The following GALNT2 variants were observed in gnomAD, a reference collection of about 807,000 sequenced individuals.
GALNT2 encodes the protein UDP-GalNAc:polypeptide N-acetylgalactosaminyltransferase 2.
GALNT2 carries 31 observed loss-of-function variants against 81.4 expected under a neutral mutation model. The ratio of observed to expected loss-of-function variants is 0.38; its 90% CI spans 0.29 to 0.51. The LOEUF (loss-of-function observed/expected upper bound fraction) is 0.51, where lower values mean the gene tolerates loss of function less well. Ranked by LOEUF, GALNT2 falls within the 20% of genes least tolerant of loss-of-function variation. GALNT2 has a pLI of 0.87. For synonymous variants in GALNT2, 303 were observed against 287.4 expected (o/e 1.05, Z -0.55); for missense variants, 629 against 765.7 (o/e 0.82, Z 2.11).
intron 1 of GALNT2, among the ~76,000 whole-genome samples, chr1:230,173,782 C>G (rs1662870166): frequency 6.6e-6 from 1 of 152,130 alleles, no homozygotes; most frequent in African/African-American, 2.4e-5. Flanking sequence ...TTGAGCGGCA[C>G]TGATGCTAGT....
At chr1:230,185,001 G>C (rs914599341) in intron 2 of GALNT2, among the ~76,000 whole-genome samples, 2 of 151,866 alleles carry the variant, frequency 1.3e-5, no homozygotes, top group Non-Finnish European at 2.9e-5. Flanking sequence ...TTTTTCCTCA[G>C]CATGTCATGT....
rs1426351446 is a variant in GALNT2 at position 230,279,982 on chromosome 1, C to CT, written c.*526dup. 2.2e-6 allele frequency: 1 copy of CT among 456,096 alleles called. No individual in the cohort carries two copies. Among genetic ancestry groups the CT allele is most frequent in the African/African-American group, 2.0e-5 (1 of 50,082 alleles). The allele number at this position is 456,096 out of a possible 1,614,324, so 28.3% of individuals were successfully genotyped here. A position where few individuals can be genotyped will look rare whatever the true frequency, so the allele number is the denominator to read the frequency against. ...TCTCTGCTCCTCCATTCGCAAGTGT[C>CT]TTCCTGGGCCAGACTCCCCTCCACC... On this transcript the variant is annotated 3_prime_UTR_variant, in exon 16 of 16. Coordinates refer to ENST00000366672, the MANE Select transcript of GALNT2 (RefSeq NM_004481.5). This position sits in a 1 kb window ranked among gnomAD's most constrained non-coding sequence, Gnocchi z 4.6.
chr1:230,081,277 G>A (rs1309386598), intron 1 of GALNT2, among the ~76,000 whole-genome samples: 1 of 152,114 alleles, frequency 6.6e-6, no homozygotes, highest in Non-Finnish European at 1.5e-5. Flanking sequence ...TGGCCCCTGG[G>A]GTTCTGCAGG....
upstream of GALNT2, chr1:230,067,200 C>T (rs991125873): frequency 6.7e-6 from 6 of 894,454 alleles, no homozygotes; most frequent in Non-Finnish European, 7.1e-6. Context: ...TCCGCTCCTC[C>T]CCCGGCCCCC....
intron 6 of GALNT2, among the ~76,000 whole-genome samples, chr1:230,239,696 G>A (rs528299999): frequency 2.6e-5 from 4 of 152,182 alleles, no homozygotes; most frequent in African/African-American, 4.8e-5. Flanking sequence ...TCTGCTCTTC[G>A]GCTGTTTCTT....
At chr1:230,237,475 A>G (rs1665066468) in intron 6 of GALNT2, among the ~76,000 whole-genome samples, 1 of 152,330 alleles carries the variant, frequency 6.6e-6, no homozygotes, top group African/African-American at 2.4e-5. Flanking sequence ...CTGTTGATCC[A>G]GGGGTGGTGA....
At chr1:230,273,729 C>G (rs1470971171) in intron 14 of GALNT2, among the ~76,000 whole-genome samples, 1 of 152,118 alleles carries the variant, frequency 6.6e-6, no homozygotes, top group East Asian at 1.9e-4. Context: ...TTTAAACACT[C>G]TCTAGCTCAG....
At chr1:230,144,524 T>G (rs1286183986) in intron 1 of GALNT2, among the ~76,000 whole-genome samples, 1 of 152,160 alleles carries the variant, frequency 6.6e-6, no homozygotes, top group Non-Finnish European at 1.5e-5. Flanking sequence ...ACTTCAGTAT[T>G]TTTTCCTTAA....
chr1:230,092,133 G>C (rs537740730), intron 1 of GALNT2: 1 of 145,350 alleles, frequency 6.9e-6, no homozygotes, highest in Non-Finnish European at 1.5e-5. Context: ...TGAGATAGAC[G>C]TATTATATTT....
In GALNT2 at chr1:230,193,405, A is replaced by C. The variant is rs1202902147; in HGVS notation, c.221-9732A>C. ...ATGTCCTGATCTGCTGCTGAAGGAC[A>C]GTCGCAACTGAGAGTCCTCTAAAGA... On this transcript the variant is annotated intron_variant, in intron 2 of 15. Transcript: ENST00000366672. The surrounding 1 kb of genome is among the most constrained non-coding windows in gnomAD (Gnocchi z 4.3). Among the ~76,000 whole-genome samples the C allele has an allele frequency of 6.6e-6, 1 of 152,200 alleles. No individual in the cohort carries two copies. Among genetic ancestry groups the C allele is most frequent in the African/African-American group, 2.4e-5 (1 of 41,454 alleles).
intron 1 of GALNT2, among the ~76,000 whole-genome samples, chr1:230,171,428 G>C (rs1280375803): frequency 1.3e-5 from 2 of 152,272 alleles, no homozygotes; most frequent in South Asian, 4.1e-4. Flanking sequence ...GGCTGTAGTG[G>C]TAATTACTGA....
At chr1:230,209,354 G>A (rs1204617471) in intron 3 of GALNT2, among the ~76,000 whole-genome samples, 1 of 67,172 alleles carries the variant, frequency 1.5e-5, no homozygotes, top group African/African-American at 1.1e-4. Flanking sequence ...CTAAAGGGTG[G>A]CGCCCTGATC....
At chr1:230,062,628 C>T (rs533811393), upstream of GALNT2, among the ~76,000 whole-genome samples, 2 of 152,284 alleles carry the variant, frequency 1.3e-5, no homozygotes, top group South Asian at 2.1e-4. Context: ...TTTTGTGTCT[C>T]GCTCATTTCA....
At chr1:230,203,424 C>A in intron 3 of GALNT2, 134 bp downstream of exon 3, 1 of 1,072,270 alleles carries the variant, frequency 9.3e-7, no homozygotes, top group Non-Finnish European at 1.4e-6. Flanking sequence ...TAGGAAAAAT[C>A]CTGAGGTATA....
Position 230,079,149 on chromosome 1 carries a change from T to C in GALNT2, c.126+11743T>C, listed in dbSNP as rs147444238. 4.0e-3 allele frequency among the ~76,000 whole-genome samples: 606 copies of C among 152,376 alleles called. 3 individuals are homozygous for C. Among genetic ancestry groups the C allele is most frequent in the African/African-American group, 0.014 (589 of 41,596 alleles). Reference sequence around the variant, plus strand: ...TGGGAGACCGTTAATAAATATGTGTTAGTCCTTTTGGTTCTCCCAACAAGA... The same window carrying C: ...TGGGAGACCGTTAATAAATATGTGTCAGTCCTTTTGGTTCTCCCAACAAGA... On this transcript the variant is annotated intron_variant, in intron 1 of 15. Coordinates refer to ENST00000366672, the MANE Select transcript of GALNT2 (RefSeq NM_004481.5).
chr1:230,103,208 T>C (rs1205214517), intron 1 of GALNT2, among the ~76,000 whole-genome samples: 4 of 152,304 alleles, frequency 2.6e-5, no homozygotes, highest in Middle Eastern at 3.4e-3. Context: ...TTTTAATAAT[T>C]GTTCCCTGGA....
chr1:230,115,904 T>A, intron 1 of GALNT2, among the ~76,000 whole-genome samples: 1 of 152,240 alleles, frequency 6.6e-6, no homozygotes, highest in East Asian at 1.9e-4. Flanking sequence ...CCACTTTCTT[T>A]GCTCTTCCAT....
Position 230,243,529 on chromosome 1 carries a change from G to C in GALNT2, c.729+102G>C. ...GGAGGTGTAACGCAGGGAGTAGGGC[G>C]TCAGGGCTGGTAGGGGCTGAGCTCG... On this transcript the variant is annotated intron_variant, in intron 7 of 15. Coordinates refer to ENST00000366672, the MANE Select transcript of GALNT2 (RefSeq NM_004481.5). This position sits in a 1 kb window ranked among gnomAD's most constrained non-coding sequence, Gnocchi z 4.2. 7.0e-7 allele frequency: 1 copy of C among 1,429,162 alleles called. No individual in the cohort carries two copies. Among genetic ancestry groups the C allele is most frequent in the South Asian group, 1.3e-5 (1 of 74,286 alleles). The allele number at this position is 1,429,162 out of a possible 1,614,324, so 88.5% of individuals were successfully genotyped here.
At chr1:230,216,973 C>G (rs974250287) in intron 3 of GALNT2, among the ~76,000 whole-genome samples, 3 of 152,056 alleles carry the variant, frequency 2.0e-5, no homozygotes, top group African/African-American at 7.3e-5. Flanking sequence ...TTTATATTCA[C>G]TGAAGATTTA....
Sources: allele counts gnomAD v4.1 joint callset (sites outside exome capture counted in the v4.1 genomes callset), GRCh38; gene constraint gnomAD v4.1.1; non-coding constraint Gnocchi (gnomAD v3.1); transcripts MANE v1.5; gene names NCBI Gene and HGNC (gene_info 2026-07-23, HGNC 2026-07-21).